Variants in RBMS3 observed in about 807,000 individuals in gnomAD.
RBMS3 encodes RNA-binding motif, single-stranded-interacting protein 3.
In RBMS3, 27 loss-of-function variants were observed where a neutral mutation model predicts 66.8. The observed-to-expected ratio is 0.40, with a 90% CI of 0.30 to 0.56. The LOEUF (loss-of-function observed/expected upper bound fraction) is 0.56. Ranked by LOEUF, RBMS3 falls within the 20% of genes least tolerant of loss-of-function variation. The probability of loss-of-function intolerance (pLI) is 0.40; values close to 1 mark genes in which losing one functional copy is unlikely to be tolerated. For missense variants in RBMS3, 513 were observed against 549.5 expected (o/e 0.93, Z 0.66); for synonymous variants, 188 against 183.0 (o/e 1.03, Z -0.22).
At chr3:29,584,981 G>A (rs2047461710) in intron 3 of RBMS3, among the ~76,000 whole-genome samples, 3 of 152,076 alleles carry the variant, frequency 2.0e-5, no homozygotes, top group African/African-American at 7.2e-5. Context: ...ATTATATGCT[G>A]TCATTTACTT....
At chr3:29,417,549 G>C (rs1342869530) in intron 1 of RBMS3, among the ~76,000 whole-genome samples, 1 of 151,966 alleles carries the variant, frequency 6.6e-6, no homozygotes, top group African/African-American at 2.4e-5. Context: ...GAATATATTG[G>C]TATCCCTTAG....
chr3:29,402,637 A>C (rs2125669081), intron 1 of RBMS3, among the ~76,000 whole-genome samples: 1 of 152,192 alleles, frequency 6.6e-6, no homozygotes, highest in Non-Finnish European at 1.5e-5. Flanking sequence ...CTTGATTAGA[A>C]GTATAACTGG....
chr3:29,970,743 G>T lies in RBMS3; in HGVS notation c.1099-17400G>T, dbSNP rs116309487. On this transcript the variant is annotated intron_variant, in intron 12 of 14. Coordinates refer to ENST00000383767, the MANE Select transcript of RBMS3 (RefSeq NM_001003793.3). ...CTTTTATTTGCTCTCTTTATTCTAGGTTGATTTTGATGTAAAATTTAATCT... is the reference window on the plus strand; with the variant it reads ...CTTTTATTTGCTCTCTTTATTCTAGTTTGATTTTGATGTAAAATTTAATCT... 4.8e-3 allele frequency among the ~76,000 whole-genome samples: 725 copies of T among 151,996 alleles called. 4 individuals carry two copies. Among genetic ancestry groups the T allele is most frequent in the African/African-American group, 0.017 (694 of 41,454 alleles).
intron 4 of RBMS3, among the ~76,000 whole-genome samples, chr3:29,717,539 C>T (rs1273739209): frequency 6.6e-6 from 1 of 152,022 alleles, no homozygotes; most frequent in Non-Finnish European, 1.5e-5. Flanking sequence ...ATCCTACTTT[C>T]CTTTATATCT....
intron 1 of RBMS3, among the ~76,000 whole-genome samples, chr3:29,383,563 G>A (rs1443719430): frequency 1.3e-5 from 2 of 152,202 alleles, no homozygotes; most frequent in African/African-American, 2.4e-5. Context: ...TCAAACTGTT[G>A]TATGTGGATG....
At chr3:29,703,830 G>A (rs549078745) in intron 4 of RBMS3, among the ~76,000 whole-genome samples, 5 of 152,052 alleles carry the variant, frequency 3.3e-5, no homozygotes, top group South Asian at 2.1e-4. Context: ...TGGGCCGCAC[G>A]GCTGGAGATG....
chr3:29,904,909 A>G (rs2060339216), intron 10 of RBMS3, among the ~76,000 whole-genome samples: 1 of 152,018 alleles, frequency 6.6e-6, no homozygotes, highest in South Asian at 2.1e-4. Context: ...TCTTATTTAT[A>G]AAAGATCTTA....
intron 1 of RBMS3, among the ~76,000 whole-genome samples, chr3:29,407,529 T>C (rs1314938646): frequency 6.6e-6 from 1 of 152,208 alleles, no homozygotes; most frequent in Non-Finnish European, 1.5e-5. Context: ...TTGATTTAAA[T>C]ATGCATATTA....
At chr3:29,837,347 G>C (rs1440965227) in intron 6 of RBMS3, among the ~76,000 whole-genome samples, 3 of 151,636 alleles carry the variant, frequency 2.0e-5, no homozygotes, top group African/African-American at 7.3e-5. Flanking sequence ...TATTTTCCTT[G>C]TGTCCTGGGA....
chr3:29,491,133 T>C (rs1575992541), intron 3 of RBMS3, among the ~76,000 whole-genome samples: 1 of 152,288 alleles, frequency 6.6e-6, no homozygotes, highest in South Asian at 2.1e-4. Flanking sequence ...AAAAGGGATG[T>C]AACTAAAAAT....
intron 10 of RBMS3, among the ~76,000 whole-genome samples, chr3:29,929,608 A>T (rs548481572): frequency 1.3e-5 from 2 of 152,176 alleles, no homozygotes; most frequent in South Asian, 2.1e-4. Flanking sequence ...AAATACTTCC[A>T]GTTACTAGTT....
chr3:29,916,635 T>C (rs553590570), intron 10 of RBMS3, among the ~76,000 whole-genome samples: 1 of 152,074 alleles, frequency 6.6e-6, no homozygotes, highest in African/African-American at 2.4e-5. Context: ...TAGCCAATAT[T>C]GTGATGGAAT....
chr3:29,343,199 A>G (rs759247016), intron 1 of RBMS3, among the ~76,000 whole-genome samples: 4 of 152,162 alleles, frequency 2.6e-5, no homozygotes, highest in Non-Finnish European at 5.9e-5. Flanking sequence ...TTGTGGTCTG[A>G]GCGAAATATC....
At chr3:29,838,273 A>C (rs1259723355) in intron 6 of RBMS3, among the ~76,000 whole-genome samples, 1 of 151,324 alleles carries the variant, frequency 6.6e-6, no homozygotes, top group African/African-American at 2.4e-5. Flanking sequence ...TGAGAGGTGG[A>C]GGCTGCAGTG....
intron 4 of RBMS3, among the ~76,000 whole-genome samples, chr3:29,730,211 A>C (rs55649763): frequency 0.33 from 49,861 of 149,996 alleles, 8,395 homozygotes; most frequent in South Asian, 0.43. Flanking sequence ...AAGATGTCTT[A>C]TATTTTATTG....
chr3:29,705,214 A>G (rs1349445814), intron 4 of RBMS3, among the ~76,000 whole-genome samples: 1 of 152,236 alleles, frequency 6.6e-6, no homozygotes, highest in Non-Finnish European at 1.5e-5. Flanking sequence ...TGTTATCCAC[A>G]GGGTGTGTCA....
intron 4 of RBMS3, among the ~76,000 whole-genome samples, chr3:29,729,362 C>T (rs1225457417): frequency 2.6e-5 from 4 of 152,000 alleles, no homozygotes; most frequent in Non-Finnish European, 5.9e-5. Flanking sequence ...GTATATGTGC[C>T]ACATTTTCTT....
intron 6 of RBMS3, among the ~76,000 whole-genome samples, chr3:29,847,168 T>C (rs140916593): frequency 2.6e-5 from 4 of 152,364 alleles, no homozygotes; most frequent in Non-Finnish European, 4.4e-5. Flanking sequence ...GAATTAAGTG[T>C]GCCTTTTTTG....
chr3:29,551,153 C>A (rs529639631), intron 3 of RBMS3, among the ~76,000 whole-genome samples: 1 of 152,186 alleles, frequency 6.6e-6, no homozygotes, highest in South Asian at 2.1e-4. Context: ...ATAGTGTAAA[C>A]CTTGTCATGG....
Sources: gnomAD v4.1 joint callset for allele counts (sites outside exome capture counted in the v4.1 genomes callset) on GRCh38, gnomAD v4.1.1 for gene constraint, MANE v1.5 for transcripts, NCBI Gene and HGNC (gene_info 2026-07-23, HGNC 2026-07-21) for gene names.